The following SOX6 variants were observed in gnomAD, a reference collection of about 807,000 sequenced individuals.
The protein encoded by SOX6 is transcription factor SOX-6.
In SOX6, 11 loss-of-function variants were observed where a neutral mutation model predicts 97.8. The observed-to-expected ratio is 0.11, with a 90% CI of 0.07 to 0.19. SOX6 has a LOEUF of 0.19. Ranked by LOEUF, SOX6 falls within the 10% of genes least tolerant of loss-of-function variation. The pLI is 1.00. For missense variants in SOX6, 810 were observed against 1,039.5 expected (o/e 0.78, Z 3.04); for synonymous variants, 360 against 371.4 (o/e 0.97, Z 0.35).
At chr11:16,350,564 T>A (rs189255028) in intron 1 of SOX6, among the ~76,000 whole-genome samples, 19 of 152,288 alleles carry the variant, frequency 1.2e-4, no homozygotes, top group Admixed American at 9.8e-4. Flanking sequence ...ACTTCGATGA[T>A]GAGTAATTTA....
intron 1 of SOX6, among the ~76,000 whole-genome samples, chr11:16,354,436 T>C (rs1857024864): frequency 1.3e-5 from 2 of 151,834 alleles, no homozygotes; most frequent in African/African-American, 4.8e-5. Flanking sequence ...CAGTGCTGAG[T>C]GAACTAATGA....
intron 6 of SOX6, among the ~76,000 whole-genome samples, chr11:16,152,850 T>C (rs1850493586): frequency 6.6e-6 from 1 of 152,042 alleles, no homozygotes; most frequent in Non-Finnish European, 1.5e-5. Flanking sequence ...ATTACAGGTG[T>C]GTGCCACCAA....
At chr11:16,028,772 G>C (rs1056810032) in intron 12 of SOX6, among the ~76,000 whole-genome samples, 1 of 152,118 alleles carries the variant, frequency 6.6e-6, no homozygotes, top group African/African-American at 2.4e-5. Context: ...AGAGCGGATG[G>C]GTGCGAGTGC....
At chr11:16,045,407 C>T (rs953586218) in intron 12 of SOX6, among the ~76,000 whole-genome samples, 5 of 152,100 alleles carry the variant, frequency 3.3e-5, no homozygotes, top group South Asian at 2.1e-4. Context: ...CAACCAGTCT[C>T]CCTGTTTCCA....
chr11:16,498,864 AT>A (rs973667465), intron 4 of SOX6, among the ~76,000 whole-genome samples: 3 of 152,204 alleles, frequency 2.0e-5, no homozygotes, highest in Non-Finnish European at 4.4e-5. Flanking sequence ...ATAATGGGAG[AT>A]TTTAACACCC....
At position 16,721,723 on chromosome 11, in the gene SOX6, C is replaced by A. The variant is rs376757900; in HGVS notation, n.354-6818G>T. The stretch of plus-strand genomic sequence containing the variant: ...GATTGTAAGTTTCCTGAGGCCTCCC[C>A]AGCCATGCCTCTAGTATAGCCTGGA... On this transcript the variant is annotated intron_variant and non_coding_transcript_variant, in intron 2 of 5. Transcript: ENST00000524520. Among the ~76,000 whole-genome samples the A allele has an allele frequency of 3.1e-4, 47 of 150,788 alleles. No homozygotes were observed. In the South Asian group the frequency reaches 9.7e-3, roughly 31 times the overall value.
At chr11:16,032,473 C>T in intron 12 of SOX6, among the ~76,000 whole-genome samples, 1 of 152,120 alleles carries the variant, frequency 6.6e-6, no homozygotes, top group Non-Finnish European at 1.5e-5. Flanking sequence ...TCCTATATCA[C>T]CCTGAGGTTT....
At chr11:16,109,181 C>T (rs1260978594) in intron 7 of SOX6, among the ~76,000 whole-genome samples, 1 of 150,188 alleles carries the variant, frequency 6.7e-6, no homozygotes, top group Non-Finnish European at 1.5e-5. Context: ...CATTTCTTTT[C>T]TTTTTTATTT....
At chr11:16,281,414 T>C (rs1043697348) in intron 3 of SOX6, among the ~76,000 whole-genome samples, 2 of 152,052 alleles carry the variant, frequency 1.3e-5, no homozygotes, top group Non-Finnish European at 2.9e-5. Context: ...TGAGTATTTT[T>C]CCCACAAGAT....
intron 4 of SOX6, among the ~76,000 whole-genome samples, chr11:16,511,761 C>A (rs1295205488): frequency 2.0e-5 from 3 of 152,088 alleles, no homozygotes; most frequent in Admixed American, 6.6e-5. Context: ...AACTTAAAAG[C>A]GCAGGAGCTA....
intron 3 of SOX6, among the ~76,000 whole-genome samples, chr11:16,713,444 T>C (rs1848195841): frequency 6.6e-6 from 1 of 152,146 alleles, no homozygotes; most frequent in Admixed American, 6.5e-5. Context: ...ACATTCAGAA[T>C]ATGCCTGCTT....
At chr11:16,415,513 G>T (rs1858909134) in intron 1 of SOX6, among the ~76,000 whole-genome samples, 1 of 152,034 alleles carries the variant, frequency 6.6e-6, no homozygotes, top group East Asian at 1.9e-4. Context: ...GGTGACTATA[G>T]TTAACAATTT....
At chr11:16,425,358 A>C (rs1859103325) in intron 1 of SOX6, among the ~76,000 whole-genome samples, 1 of 152,224 alleles carries the variant, frequency 6.6e-6, no homozygotes, top group Admixed American at 6.5e-5. Context: ...AACATGTGCT[A>C]GGCACTGTTC....
chr11:16,560,502 T>C (rs112976136), intron 4 of SOX6, among the ~76,000 whole-genome samples: 1 of 142,982 alleles, frequency 7.0e-6, no homozygotes, highest in African/African-American at 2.6e-5. Flanking sequence ...CATATATGTT[T>C]ATACGTACAT....
chr11:16,159,689 A>G (rs774023533), intron 6 of SOX6, among the ~76,000 whole-genome samples: 2 of 152,184 alleles, frequency 1.3e-5, no homozygotes, highest in Non-Finnish European at 2.9e-5. Flanking sequence ...TAAATTTAAA[A>G]TGTAATAAAG....
intron 12 of SOX6, among the ~76,000 whole-genome samples, chr11:16,032,814 C>G (rs975567619): frequency 6.6e-6 from 1 of 152,158 alleles, no homozygotes; most frequent in African/African-American, 2.4e-5. Context: ...ATGCCCCAAC[C>G]ATACTCATGC....
At chr11:16,066,510 T>A (rs755774900) in intron 9 of SOX6, among the ~76,000 whole-genome samples, 13 of 152,126 alleles carry the variant, frequency 8.5e-5, no homozygotes, top group Non-Finnish European at 1.9e-4. Context: ...TAAGTGTCCA[T>A]CAACAGATGA....
At chr11:16,699,668 G>A (rs1384052027) in intron 3 of SOX6, among the ~76,000 whole-genome samples, 1 of 151,772 alleles carries the variant, frequency 6.6e-6, no homozygotes, top group Non-Finnish European at 1.5e-5. Flanking sequence ...TAGACACATC[G>A]TTGTATGATA....
intron 3 of SOX6, chr11:16,311,166 C>T (rs1005479000): frequency 3.3e-5 from 5 of 152,082 alleles, no homozygotes; most frequent in African/African-American, 1.2e-4. Flanking sequence ...ATCATTGCTG[C>T]CAAATGCTAA....
Sources: allele counts gnomAD v4.1 joint callset (sites outside exome capture counted in the v4.1 genomes callset), GRCh38; gene constraint gnomAD v4.1.1; transcripts MANE v1.5; gene names NCBI Gene and HGNC (gene_info 2026-07-23, HGNC 2026-07-21).